NEK11: variants seen among roughly 807,000 people sequenced by gnomAD.
The protein encoded by NEK11 is NIMA related kinase 11, also known as serine/threonine-protein kinase Nek11.
NEK11 carries 72 observed loss-of-function variants against 80.7 expected under a neutral mutation model. That is an observed-to-expected ratio of 0.89 (90% CI 0.74 to 1.08). The LOEUF (loss-of-function observed/expected upper bound fraction) is 1.08, where lower values mean the gene tolerates loss of function less well. NEK11 is among the 50% of genes least tolerant of loss of function. NEK11 has a pLI of 0.00. For synonymous variants in NEK11, 251 were observed against 260.7 expected, an observed-to-expected ratio of 0.96 and a Z score of 0.36; for missense variants, 764 against 763.6, an observed-to-expected ratio of 1.00 and a Z score of -0.01.
chr3:131,242,106 C>G (rs2095528325), intron 15 of NEK11, among the ~76,000 whole-genome samples: 1 of 152,034 alleles, frequency 6.6e-6, no homozygotes, highest in South Asian at 2.1e-4. Context: ...TACCATTCCT[C>G]CATAAAAGCA....
rs985147613 is a variant in NEK11 at position 131,148,049 on chromosome 3, T to C, written c.648-4339T>C. 3.3e-5 allele frequency among the ~76,000 whole-genome samples: 5 copies of C among 152,028 alleles called. No homozygotes were observed. The East Asian group carries it at 9.6e-4, about 29-fold the overall frequency. On this transcript the variant is annotated intron_variant, in intron 7 of 17. Transcript: ENST00000383366. The stretch of plus-strand genomic sequence containing the variant: ...AAGTTCCCTCCTATATCTGGTGTGC[T>C]AGGAGTTTTCTTCTTTTTAAAAATA...
chr3:131,262,489 C>T (rs2095945245), intron 16 of NEK11, among the ~76,000 whole-genome samples: 1 of 152,096 alleles, frequency 6.6e-6, no homozygotes, highest in Non-Finnish European at 1.5e-5. Flanking sequence ...TTTACTTTTT[C>T]CTTTCCAATT....
At chr3:131,147,108 A>G (rs981925990) in intron 7 of NEK11, among the ~76,000 whole-genome samples, 2 of 152,062 alleles carry the variant, frequency 1.3e-5, no homozygotes, top group Non-Finnish European at 2.9e-5. Flanking sequence ...TGCCTACTCC[A>G]AGATCATGAA....
intron 4 of NEK11, among the ~76,000 whole-genome samples, chr3:131,086,048 T>G (rs2075938742): frequency 6.6e-6 from 1 of 152,206 alleles, no homozygotes; most frequent in Admixed American, 6.5e-5. Flanking sequence ...TTGGCAAGAC[T>G]ACTACAATAG....
chr3:131,135,713 A>G (rs2085434498), intron 7 of NEK11, among the ~76,000 whole-genome samples: 1 of 152,158 alleles, frequency 6.6e-6, no homozygotes, highest in African/African-American at 2.4e-5. Context: ...TCAAATATAT[A>G]TCTTTATAGT....
At chr3:131,126,454 G>A (rs1021280494) in intron 5 of NEK11, among the ~76,000 whole-genome samples, 1 of 152,090 alleles carries the variant, frequency 6.6e-6, no homozygotes, top group African/African-American at 2.4e-5. Flanking sequence ...AGCTAAAAAT[G>A]TATTATTATT....
chr3:131,071,155 T>C (rs1488402901), intron 3 of NEK11, among the ~76,000 whole-genome samples: 3 of 152,202 alleles, frequency 2.0e-5, no homozygotes, highest in Non-Finnish European at 4.4e-5. Context: ...TTTTTGTCTA[T>C]GCTAATGTTA....
chr3:131,152,607 T>G, intron 8 of NEK11, 24 bp from the exon 9 acceptor site: 8 of 1,608,522 alleles, frequency 5.0e-6, no homozygotes, highest in Non-Finnish European at 6.8e-6. Flanking sequence ...ACCTGAAAAA[T>G]AATTTTCTGT....
chr3:131,137,468 C>T (rs1329407782), intron 7 of NEK11, among the ~76,000 whole-genome samples: 1 of 152,046 alleles, frequency 6.6e-6, no homozygotes, highest in Non-Finnish European at 1.5e-5. Flanking sequence ...GTGAAGAAAG[C>T]TCTGGAGCAA....
chr3:131,339,952 C>T (rs2097259798), intron 17 of NEK11, among the ~76,000 whole-genome samples: 1 of 152,108 alleles, frequency 6.6e-6, no homozygotes, highest in African/African-American at 2.4e-5. Flanking sequence ...CTGGTAAATC[C>T]CAAAGGCGTG....
chr3:131,112,503 G>T (rs977528219), intron 5 of NEK11, among the ~76,000 whole-genome samples: 1 of 152,020 alleles, frequency 6.6e-6, no homozygotes, highest in Non-Finnish European at 1.5e-5. Context: ...TTACAAGAGT[G>T]GTACAGATGT....
In NEK11 at chr3:131,152,532, G is replaced by A; in HGVS notation, c.792G>A (p.Met264Ile). Residue 264 changes from methionine (M) to isoleucine (I), a missense_variant, in exon 8 of 18, where the codon ATG becomes ATA. Transcript: ENST00000383366. ...ERYPKELNAIMESMLNKNPSL... is the reference protein window; with the variant it reads ...ERYPKELNAIIESMLNKNPSL... Reference sequence around the variant, plus strand: ...ATCCAAAAGAACTAAATGCCATCATGGAAAGGTATAGAAATAAACATGTTG... The same window carrying A: ...ATCCAAAAGAACTAAATGCCATCATAGAAAGGTATAGAAATAAACATGTTG... The A allele has an allele frequency of 3.1e-6, 5 of 1,612,880 alleles. No individual in the cohort carries two copies. Among genetic ancestry groups the A allele is most frequent in the Non-Finnish European group, 4.2e-6 (5 of 1,179,484 alleles).
At chr3:131,338,139 G>A (rs1396759860) in intron 17 of NEK11, among the ~76,000 whole-genome samples, 1 of 151,780 alleles carries the variant, frequency 6.6e-6, no homozygotes, top group Non-Finnish European at 1.5e-5. Flanking sequence ...GCTTATTTTT[G>A]TATTTTTAGT....
intron 5 of NEK11, among the ~76,000 whole-genome samples, chr3:131,115,798 T>TG (rs2080916630): frequency 6.6e-6 from 1 of 152,124 alleles, no homozygotes; most frequent in African/African-American, 2.4e-5. Context: ...GGCTGGGCAC[T>TG]TACTCCAAGA....
At chr3:131,128,445 A>G (rs2083761522) in intron 5 of NEK11, among the ~76,000 whole-genome samples, 1 of 152,218 alleles carries the variant, frequency 6.6e-6, no homozygotes, top group Admixed American at 6.5e-5. Context: ...ACTTAGTAGT[A>G]TGCATTTAAG....
At chr3:131,227,094 A>G (rs2095222853) in intron 14 of NEK11, among the ~76,000 whole-genome samples, 1 of 151,642 alleles carries the variant, frequency 6.6e-6, no homozygotes, top group Non-Finnish European at 1.5e-5. Context: ...GAGAGAAGGT[A>G]TGAGATCCCT....
chr3:131,096,074 CAT>C (rs2077382219), intron 4 of NEK11, among the ~76,000 whole-genome samples: 1 of 152,064 alleles, frequency 6.6e-6, no homozygotes, highest in Admixed American at 6.6e-5. Context: ...AAAAAATTGA[CAT>C]ATTTTTGTTA....
intron 7 of NEK11, among the ~76,000 whole-genome samples, chr3:131,146,843 G>A (rs1219335546): frequency 2.0e-5 from 3 of 152,038 alleles, no homozygotes; most frequent in African/African-American, 4.8e-5. Flanking sequence ...GCCATTTAGC[G>A]TCCGTTCAAG....
intron 16 of NEK11, among the ~76,000 whole-genome samples, chr3:131,258,561 A>T (rs968862060): frequency 2.0e-5 from 3 of 152,182 alleles, no homozygotes; most frequent in Non-Finnish European, 4.4e-5. Context: ...CACAAATCTC[A>T]TCTTAGCCTG....
Sources: gnomAD v4.1 joint callset for allele counts (sites outside exome capture counted in the v4.1 genomes callset) on GRCh38, gnomAD v4.1.1 for gene constraint, MANE v1.5 for transcripts, NCBI Gene and HGNC (gene_info 2026-07-23, HGNC 2026-07-21) for gene names.